The following LAMA2 variants were observed in gnomAD, a reference collection of about 807,000 sequenced individuals.
The protein encoded by LAMA2 is laminin subunit alpha 2.
A neutral mutation model predicts 364.8 loss-of-function variants in LAMA2; 269 were observed. That is an observed-to-expected ratio of 0.74 (90% confidence interval 0.67 to 0.82). The LOEUF (loss-of-function observed/expected upper bound fraction) is 0.82, where lower values mean the gene tolerates loss of function less well. Ranked by LOEUF, LAMA2 falls within the 40% of genes least tolerant of loss-of-function variation. The pLI, the probability that LAMA2 is intolerant of heterozygous loss-of-function variation, is 0.00. For synonymous variants in LAMA2, 1,379 were observed against 1,370.6 expected (o/e 1.01, Z -0.14); for missense variants, 3,807 against 3,873.2 (o/e 0.98, Z 0.45).
At chr6:129,396,123 A>G (rs948533129) in intron 37 of LAMA2, among the ~76,000 whole-genome samples, 2 of 152,226 alleles carry the variant, frequency 1.3e-5, no homozygotes, top group Admixed American at 1.3e-4. Context: ...ATGGTTTTTT[A>G]TCGGAAAATA....
At chr6:129,181,332 A>T (rs955149860) in intron 10 of LAMA2, among the ~76,000 whole-genome samples, 2 of 132,468 alleles carry the variant, frequency 1.5e-5, no homozygotes, top group African/African-American at 7.7e-5. Flanking sequence ...TAGAAAGGGT[A>T]GTCTGAAATA....
At position 129,272,390 on chromosome 6, in the gene LAMA2, T is replaced by C. The variant is rs988996393; in HGVS notation, c.2450+1639T>C. 1.1e-4 allele frequency among the ~76,000 whole-genome samples: 16 copies of C among 152,106 alleles called. 1 individual carries two copies. Among genetic ancestry groups the C allele is most frequent in the Admixed American group, 2.0e-4 (3 of 15,268 alleles). ...TAGGGTTGATGTGGGAAAGACATAA[T>C]TAAAATGTGTAAACCACCTAAACTG... On this transcript the variant is annotated intron_variant, in intron 17 of 64. Coordinates refer to ENST00000421865, the MANE Select transcript of LAMA2 (RefSeq NM_000426.4).
intron 5 of LAMA2, among the ~76,000 whole-genome samples, chr6:129,144,617 T>A (rs557839588): frequency 4.7e-4 from 71 of 152,124 alleles, no homozygotes; most frequent in African/African-American, 1.7e-3. Flanking sequence ...GCTGAGACGC[T>A]GCACTTCAAA....
chr6:129,495,423 C>G (rs1785110819), intron 58 of LAMA2, among the ~76,000 whole-genome samples: 1 of 152,168 alleles, frequency 6.6e-6, no homozygotes, highest in Non-Finnish European at 1.5e-5. Flanking sequence ...ACCTACTGCT[C>G]AAAAGGAAGT....
Position 129,475,394 on chromosome 6 carries a change from A to T in LAMA2, c.7444A>T (p.Lys2482Ter), listed in dbSNP as rs1554303937. The change falls in exon 53 of 65, where the codon AAA becomes TAA. Residue 2482 changes from lysine to a stop codon, truncating the protein, a stop_gained. Transcript: ENST00000421865. LOFTEE classifies it high-confidence loss of function. Reference protein sequence around the residue: ...GLPTLRNLSMKARPEVNLKKY... With the variant: ...GLPTLRNLSM ...TTCCTCTTTCCCGTTATCTAGTATGAAAGCAAGGTAAAATTTAAATTTATG... is the reference window on the plus strand; with the variant it reads ...TTCCTCTTTCCCGTTATCTAGTATGTAAGCAAGGTAAAATTTAAATTTATG... 1.3e-6 allele frequency: 2 copies of T among 1,558,400 alleles called. No homozygotes were observed. The highest frequency in any genetic ancestry group is 1.8e-6 in the Non-Finnish European group (2 of 1,140,112).
intron 4 of LAMA2, among the ~76,000 whole-genome samples, chr6:129,140,220 C>T (rs1778045295): frequency 6.6e-6 from 1 of 152,028 alleles, no homozygotes; most frequent in South Asian, 2.1e-4. Flanking sequence ...GCACAGAGGT[C>T]TTACTAATCT....
intron 24 of LAMA2, 58 bp from the exon 25 acceptor site, chr6:129,315,418 T>A: frequency 2.7e-6 from 4 of 1,501,576 alleles, no homozygotes; most frequent in Non-Finnish European, 3.7e-6. Flanking sequence ...GTAACTTAGT[T>A]TTAAAGAAAT....
intron 1 of LAMA2, among the ~76,000 whole-genome samples, chr6:128,956,225 G>A (rs957691828): frequency 2.6e-5 from 4 of 151,944 alleles, no homozygotes; most frequent in Non-Finnish European, 5.9e-5. Flanking sequence ...ATATGATACT[G>A]TAGAATAAAA....
chr6:128,948,542 G>A (rs1780618305), intron 1 of LAMA2, among the ~76,000 whole-genome samples: 1 of 152,086 alleles, frequency 6.6e-6, no homozygotes, highest in Non-Finnish European at 1.5e-5. Context: ...CTAAACATTA[G>A]TGTGAAATTA....
At chr6:129,449,549 A>T (rs1782559659) in intron 45 of LAMA2, among the ~76,000 whole-genome samples, 1 of 152,158 alleles carries the variant, frequency 6.6e-6, no homozygotes, top group African/African-American at 2.4e-5. Flanking sequence ...CTGAGGATTA[A>T]ATTTCAAGCA....
intron 41 of LAMA2, among the ~76,000 whole-genome samples, chr6:129,429,796 T>G (rs1370744066): frequency 6.6e-6 from 1 of 152,212 alleles, no homozygotes; most frequent in Non-Finnish European, 1.5e-5. Flanking sequence ...ATCCTGTCTT[T>G]AAGATTTTAA....
intron 3 of LAMA2, among the ~76,000 whole-genome samples, chr6:129,089,138 C>A (rs1774643481): frequency 6.6e-6 from 1 of 152,226 alleles, no homozygotes; most frequent in Non-Finnish European, 1.5e-5. Context: ...GATGATATTT[C>A]ATTTGCAATA....
intron 4 of LAMA2, among the ~76,000 whole-genome samples, chr6:129,139,573 A>C (rs941156865): frequency 7.2e-5 from 11 of 152,114 alleles, no homozygotes. Flanking sequence ...TTTGATATCC[A>C]CAGGAGGTCC....
chr6:129,481,201 TGGA>T, intron 54 of LAMA2, 59 bp from the exon 55 acceptor site: 1 of 1,312,678 alleles, frequency 7.6e-7, no homozygotes, highest in Admixed American at 1.7e-5. Context: ...GTGAGTGAGA[TGGA>T]GAACTTATTT....
At chr6:129,488,043 C>T (rs1003983568) in intron 56 of LAMA2, among the ~76,000 whole-genome samples, 1 of 152,188 alleles carries the variant, frequency 6.6e-6, no homozygotes, top group Admixed American at 6.5e-5. Context: ...GGCGTGGTGG[C>T]TCACACCTGT....
intron 40 of LAMA2, among the ~76,000 whole-genome samples, chr6:129,408,736 G>A (rs1780374336): frequency 6.6e-6 from 1 of 152,074 alleles, no homozygotes; most frequent in African/African-American, 2.4e-5. Flanking sequence ...CTATAGTCAG[G>A]TCAGTCCATG....
Position 129,252,095 on chromosome 6 carries a change from G to C in LAMA2, c.1896G>C (p.Leu632Phe). 6.2e-7 allele frequency: 1 copy of C among 1,611,264 alleles called. No individual in the cohort carries two copies. Among genetic ancestry groups the C allele is most frequent in the South Asian group, 1.1e-5 (1 of 91,012 alleles). ...TTTTCCCCCTTTAGGGTAATGACTTGAGCATCAGCACAGCCCAAGATGAGG... is the reference window on the plus strand; with the variant it reads ...TTTTCCCCCTTTAGGGTAATGACTTCAGCATCAGCACAGCCCAAGATGAGG... Reference protein sequence around the residue: ...QLMIILEGNDLSISTAQDEVY... With the variant: ...QLMIILEGNDFSISTAQDEVY... Residue 632 changes from leucine to phenylalanine, a missense_variant, in exon 14 of 65, where the codon TTG becomes TTC. Leu to Phe is a conservative substitution (Grantham distance 22, BLOSUM62 0). Around this residue, in one of 3 missense-constraint regions of LAMA2, gnomAD observed 3,333 missense variants for 3,345.7 expected, o/e 1.00. Coordinates refer to ENST00000421865, the MANE Select transcript of LAMA2 (RefSeq NM_000426.4).
intron 18 of LAMA2, among the ~76,000 whole-genome samples, chr6:129,282,456 G>C (rs921954346): frequency 6.6e-6 from 1 of 152,058 alleles, no homozygotes; most frequent in Non-Finnish European, 1.5e-5. Context: ...ATTTCAAGTT[G>C]TTTTCTTCTC....
At chr6:129,034,144 A>C (rs1786437939) in intron 1 of LAMA2, among the ~76,000 whole-genome samples, 1 of 152,096 alleles carries the variant, frequency 6.6e-6, no homozygotes, top group African/African-American at 2.4e-5. Flanking sequence ...AATAGACTTG[A>C]AGTTAGACAA....
Sources: gnomAD v4.1 joint callset for allele counts (sites outside exome capture counted in the v4.1 genomes callset) on GRCh38, gnomAD v4.1.1 for gene constraint, gnomAD v4.1.1 regional missense constraint, MANE v1.5 for transcripts, NCBI Gene and HGNC (gene_info 2026-07-23, HGNC 2026-07-21) for gene names.